The following MCCC1 variants were observed in gnomAD, a reference collection of about 807,000 sequenced individuals.
The protein encoded by MCCC1 is methylcrotonyl-CoA carboxylase subunit 1.
MCCC1 carries 64 observed loss-of-function variants against 83.8 expected under a neutral mutation model. The ratio of observed to expected loss-of-function variants is 0.76; its 90% CI spans 0.62 to 0.94. The LOEUF (loss-of-function observed/expected upper bound fraction) is 0.94, where lower values mean the gene tolerates loss of function less well. Ranked by LOEUF, MCCC1 falls within the 40% of genes least tolerant of loss-of-function variation. The probability of loss-of-function intolerance (pLI) is 0.00; values close to 1 mark genes in which losing one functional copy is unlikely to be tolerated. For missense variants in MCCC1, 807 were observed against 904.7 expected (o/e 0.89, Z 1.39); for synonymous variants, 322 against 315.4 (o/e 1.02, Z -0.22).
chr3:183,041,258 C>A (rs1261128272), intron 11 of MCCC1, among the ~76,000 whole-genome samples: 1 of 152,140 alleles, frequency 6.6e-6, no homozygotes, highest in African/African-American at 2.4e-5. Context: ...TAGCAGATAT[C>A]AGTCATCTTA....
At chr3:183,047,664 A>G (rs1414206282) in intron 9 of MCCC1, among the ~76,000 whole-genome samples, 2 of 136,370 alleles carry the variant, frequency 1.5e-5, no homozygotes, top group Non-Finnish European at 3.1e-5. Flanking sequence ...GCTAGAATTG[A>G]AAAAAAAAAA....
chr3:183,038,991 C>G (rs139428536), intron 12 of MCCC1, 35 bp downstream of exon 12: 1 of 1,576,550 alleles, frequency 6.3e-7, no homozygotes, highest in African/African-American at 1.3e-5. Flanking sequence ...TGACCAAACA[C>G]ATCAAGGTCA....
intron 16 of MCCC1, among the ~76,000 whole-genome samples, chr3:183,020,594 G>A (rs1304565587): frequency 6.6e-6 from 1 of 151,924 alleles, no homozygotes; most frequent in African/African-American, 2.4e-5. Flanking sequence ...CTGCGCCACT[G>A]CACTCCAGCC....
At chr3:183,019,392 T>TGC (rs1466661099) in intron 17 of MCCC1, among the ~76,000 whole-genome samples, 1 of 152,150 alleles carries the variant, frequency 6.6e-6, no homozygotes, top group African/African-American at 2.4e-5. Flanking sequence ...AGCAGGTGAT[T>TGC]AGGTCATGAG....
intron 12 of MCCC1, among the ~76,000 whole-genome samples, chr3:183,038,356 G>A (rs1336927768): frequency 6.6e-6 from 1 of 152,206 alleles, no homozygotes; most frequent in Non-Finnish European, 1.5e-5. Flanking sequence ...AGAACATTCT[G>A]GAAGATTGGA....
rs1560256483 is a variant in MCCC1, at chr3:183,070,979, G to GA, written c.761+19dup. ...AATTTAATTTTTAAACTCTGAGTCA[G>GA]AAAAATAAGGCCAACCCACCTCGGT... On this transcript the variant is annotated intron_variant, in intron 7 of 18. Coordinates refer to ENST00000265594, the MANE Select transcript of MCCC1 (RefSeq NM_020166.5). 6.2e-7 allele frequency: 1 copy of GA among 1,611,006 alleles called. No homozygotes were observed. Among genetic ancestry groups the GA allele is most frequent in the African/African-American group, 1.3e-5 (1 of 75,006 alleles).
chr3:183,076,347 A>G (rs11712267), intron 4 of MCCC1, among the ~76,000 whole-genome samples: 134,939 of 152,268 alleles, frequency 0.89, 60,346 homozygotes, highest in East Asian at 1. Context: ...TATTCATGTT[A>G]TGGAGTGTGT....
intron 14 of MCCC1, among the ~76,000 whole-genome samples, chr3:183,033,019 G>C (rs1205833435): frequency 6.6e-6 from 1 of 152,038 alleles, no homozygotes; most frequent in African/African-American, 2.4e-5. Flanking sequence ...TTTTATACCA[G>C]AACTGTCACA....
intron 17 of MCCC1, among the ~76,000 whole-genome samples, chr3:183,019,000 T>G (rs1711924067): frequency 6.6e-6 from 1 of 152,220 alleles, no homozygotes; most frequent in Non-Finnish European, 1.5e-5. Flanking sequence ...AACAGAGTTG[T>G]GCAGAGATGC....
Position 183,037,314 on chromosome 3 carries a change from G to T in MCCC1, c.1498C>A (p.Arg500=), listed in dbSNP as rs778907392. 5 of 1,613,954 alleles carry T rather than the reference G, an allele frequency of 3.1e-6. No homozygotes were observed. In the Admixed American group the frequency reaches 8.3e-5, roughly 27 times the overall value. The part of the protein sequence containing the change: ...PQHHKQLLLS[R]KAAAKESLCQ... ...AAAGACTCTTTGGCTGCAGCCTTCC[G>T]ACTGAGCAACAACTGTTTGTGGTGT... Residue 500 remains arginine (R), a synonymous_variant, in exon 13 of 19, where the codon CGG becomes AGG. Transcript: ENST00000265594.
At chr3:183,045,353 T>C in intron 10 of MCCC1, 60 bp downstream of exon 10, 2 of 1,603,964 alleles carry the variant, frequency 1.2e-6, no homozygotes, top group Middle Eastern at 1.7e-4. Flanking sequence ...GTGCTGGGAC[T>C]ACAGGCTTGA....
Position 183,045,522 on chromosome 3 carries a change from A to C in MCCC1, c.974T>G (p.Met325Arg), listed in dbSNP as rs119103212. Residue 325 changes from methionine to arginine, a missense_variant, in exon 10 of 19, where the codon ATG (methionine) becomes AGG (arginine). Met to Arg is a moderately conservative substitution (Grantham distance 91). Coordinates refer to ENST00000265594, the MANE Select transcript of MCCC1 (RefSeq NM_020166.5). ...GAAACAGAAATTATGTTTTGAGTCC[A>C]TAATAAACTCCACAGTCCCTAAAAG... ...YVGAGTVEFI[M>R]DSKHNFCFME... 9.9e-5 allele frequency: 160 copies of C among 1,613,998 alleles called. No individual in the cohort carries two copies. The highest frequency in any genetic ancestry group is 1.3e-4 in the Non-Finnish European group (157 of 1,179,962).
chr3:183,106,372 A>G (rs1418558867), intron 1 of MCCC1, among the ~76,000 whole-genome samples: 2 of 152,206 alleles, frequency 1.3e-5, no homozygotes, highest in African/African-American at 4.8e-5. Flanking sequence ...GGCTGATACT[A>G]TAGAAAAACA....
At chr3:183,076,587 G>A (rs891347038) in intron 4 of MCCC1, among the ~76,000 whole-genome samples, 7 of 152,082 alleles carry the variant, frequency 4.6e-5, no homozygotes, top group African/African-American at 7.2e-5. Context: ...TTTCTAAAGC[G>A]ATGATTTTAT....
intron 4 of MCCC1, among the ~76,000 whole-genome samples, chr3:183,082,864 A>T (rs558385629): frequency 6.6e-6 from 1 of 152,258 alleles, no homozygotes; most frequent in South Asian, 2.1e-4. Context: ...GTGTGCCTAC[A>T]GTCCCATCAC....
intron 1 of MCCC1, among the ~76,000 whole-genome samples, chr3:183,113,116 C>T (rs1023124727): frequency 7.3e-5 from 11 of 149,936 alleles, no homozygotes; most frequent in African/African-American, 2.0e-4. Context: ...CTCAGCTACT[C>T]GGGAGGCTGA....
intron 12 of MCCC1, 152 bp downstream of exon 12, chr3:183,038,874 C>A: frequency 2.7e-6 from 2 of 731,036 alleles, no homozygotes; most frequent in East Asian, 2.7e-5. Flanking sequence ...TTCTGGCCCA[C>A]GCAAAATTCT....
chr3:183,091,034 G>A (rs1718291214), intron 3 of MCCC1: 2 of 456,464 alleles, frequency 4.4e-6, no homozygotes, highest in Non-Finnish European at 8.8e-6. Flanking sequence ...TCATCCTGCT[G>A]CAAAAAGGTG....
chr3:183,016,567 G>T (rs1488690329), intron 18 of MCCC1, among the ~76,000 whole-genome samples: 2 of 152,194 alleles, frequency 1.3e-5, no homozygotes, highest in Non-Finnish European at 2.9e-5. Context: ...TACTCCTGGA[G>T]ATTGCAATTC....
Sources: gnomAD v4.1 joint callset for allele counts (sites outside exome capture counted in the v4.1 genomes callset) on GRCh38, gnomAD v4.1.1 for gene constraint, MANE v1.5 for transcripts, NCBI Gene and HGNC (gene_info 2026-07-23, HGNC 2026-07-21) for gene names.